DDX60: variants seen among roughly 807,000 people sequenced by gnomAD.
The protein encoded by DDX60 is DExD/H-box helicase 60.
A neutral mutation model predicts 212.8 loss-of-function variants in DDX60; 165 were observed. The observed-to-expected ratio is 0.78, with a 90% CI of 0.68 to 0.88. The LOEUF is 0.88. DDX60 is among the 40% of genes least tolerant of loss of function. The pLI is 0.00. For synonymous variants in DDX60, 703 were observed against 685.3 expected (o/e 1.03, Z -0.40); for missense variants, 1,905 against 2,003.9 (o/e 0.95, Z 0.94).
intron 5 of DDX60, among the ~76,000 whole-genome samples, chr4:168,304,620 G>A (rs1736797230): frequency 6.6e-6 from 1 of 152,086 alleles, no homozygotes; most frequent in African/African-American, 2.4e-5. Flanking sequence ...AGGATCACTT[G>A]AGCCCGAGAC....
intron 27 of DDX60, among the ~76,000 whole-genome samples, chr4:168,251,818 G>C (rs1484875850): frequency 6.6e-6 from 1 of 152,150 alleles, no homozygotes; most frequent in East Asian, 1.9e-4. Flanking sequence ...TACGCAAAAT[G>C]TATGTAAGTT....
chr4:168,291,219 C>T (rs1006505606), intron 8 of DDX60, among the ~76,000 whole-genome samples: 1 of 151,808 alleles, frequency 6.6e-6, no homozygotes, highest in African/African-American at 2.4e-5. Flanking sequence ...ATATAGAGTT[C>T]CAATATAAGA....
At chr4:168,235,007 C>T (rs182695650) in intron 33 of DDX60, among the ~76,000 whole-genome samples, 1 of 151,966 alleles carries the variant, frequency 6.6e-6, no homozygotes, top group Non-Finnish European at 1.5e-5. Context: ...GCTAAAGATC[C>T]ACCTTTTTCC....
At chr4:168,279,387 C>T (rs1382945456) in intron 14 of DDX60, among the ~76,000 whole-genome samples, 1 of 152,198 alleles carries the variant, frequency 6.6e-6, no homozygotes, top group Admixed American at 6.5e-5. Flanking sequence ...TGCTTCAGCG[C>T]CTTGACTATG....
chr4:168,313,446 G>C (rs1281155651), intron 1 of DDX60, among the ~76,000 whole-genome samples: 1 of 152,058 alleles, frequency 6.6e-6, no homozygotes, highest in African/African-American at 2.4e-5. Flanking sequence ...CTTGTGCCCA[G>C]GTCAGGAGAT....
chr4:168,228,596 A>T (rs1487948445), intron 33 of DDX60, among the ~76,000 whole-genome samples: 2 of 152,122 alleles, frequency 1.3e-5, no homozygotes, highest in African/African-American at 4.8e-5. Context: ...CCAAAATTTT[A>T]AAACATTTAA....
intron 20 of DDX60, 104 bp from the exon 21 acceptor site, chr4:168,268,087 C>T (rs961132598): frequency 3.0e-6 from 3 of 984,022 alleles, no homozygotes; most frequent in Non-Finnish European, 4.4e-6. Context: ...ATAAAGTGTA[C>T]TTAGGGGAAT....
intron 33 of DDX60, among the ~76,000 whole-genome samples, chr4:168,233,391 A>G (rs779326755): frequency 1.3e-5 from 2 of 152,110 alleles, no homozygotes; most frequent in Non-Finnish European, 2.9e-5. Flanking sequence ...TCTTTACACA[A>G]AAAAGATACT....
chr4:168,273,755 T>TTG (rs3068227), intron 17 of DDX60, among the ~76,000 whole-genome samples, 179 bp downstream of exon 17: 11 of 151,816 alleles, frequency 7.2e-5, no homozygotes, highest in South Asian at 2.1e-4. Context: ...ATGTACATGT[T>TTG]TGTGTGTGTG....
intron 26 of DDX60, 21 bp from the exon 27 acceptor site, chr4:168,252,677 T>G: frequency 2.6e-6 from 4 of 1,555,946 alleles, no homozygotes; most frequent in Non-Finnish European, 3.5e-6. Context: ...AAATAAAATT[T>G]TAATTAATGA....
At chr4:168,281,843 G>A (rs937583740) in intron 13 of DDX60, among the ~76,000 whole-genome samples, 16 of 152,238 alleles carry the variant, frequency 1.1e-4, no homozygotes, top group African/African-American at 3.9e-4. Context: ...AGTTTTCCCA[G>A]TGTTTAGTCT....
At position 168,308,215 on chromosome 4, in the gene DDX60, A is replaced by T; in HGVS notation, c.75-20T>A. On this transcript the variant is annotated intron_variant, in intron 3 of 37. Coordinates refer to ENST00000393743, the MANE Select transcript of DDX60 (RefSeq NM_017631.6). ...GAATATCTAAAATGAAAAACAGTTA[A>T]AACAAAAATCACATATGCATTAAAT... 1 of 1,436,996 alleles carries T rather than the reference A, an allele frequency of 7.0e-7. No homozygotes were observed. Among genetic ancestry groups the T allele is most frequent in the South Asian group, 1.2e-5 (1 of 80,042 alleles). 89.0% of individuals were successfully genotyped at this position (1,436,996 alleles called of 1,614,324 possible).
At position 168,283,205 on chromosome 4, in the gene DDX60, CTTAA is replaced by C. The variant is rs533412024; in HGVS notation, c.1722+237_1722+240del. Among the ~76,000 whole-genome samples the C allele has an allele frequency of 3.2e-3, 481 of 152,164 alleles. 2 individuals are homozygous for C. The highest frequency in any genetic ancestry group is 0.01 in the Middle Eastern group (3 of 294). On this transcript the variant is annotated intron_variant, in intron 13 of 37. Transcript: ENST00000393743. ...ATTTCTAAACTCAAAACTTTAGTCA[CTTAA>C]TTATTCTTCAAAGAGATACATATGT... is the stretch of plus-strand genomic sequence containing the variant.
intron 25 of DDX60, among the ~76,000 whole-genome samples, chr4:168,256,635 T>G (rs560743018): frequency 2.6e-5 from 4 of 152,216 alleles, no homozygotes; most frequent in Non-Finnish European, 4.4e-5. Context: ...ACATTTCCTA[T>G]GTTTATTTCA....
rs1736880541 is a variant in DDX60, at chr4:168,306,464, A to G, written c.521T>C (p.Leu174Pro). 2 of 1,614,184 alleles carry G rather than the reference A, an allele frequency of 1.2e-6. No homozygotes were observed. ...HSWARKVNVV[L>P]SSGQESDVLC... ...AACATCAGATTCTTGCCCTGAGGAA[A>G]GTACAACGTTGACCTTCCTTGCCCA... Residue 174 changes from leucine to proline, a missense_variant, in exon 5 of 38, where the codon CTT becomes CCT. Leu to Pro is a moderately conservative substitution (Grantham distance 98). Coordinates refer to ENST00000393743, the MANE Select transcript of DDX60 (RefSeq NM_017631.6).
rs966437011 is a variant in DDX60 at position 168,286,886 on chromosome 4, G to A, written c.1339+162C>T. ...GTAAATCTTCATAATTATAGTCACA[G>A]CATACCACTCCAAGGATATAAGAAT... On this transcript the variant is annotated intron_variant, in intron 10 of 37. Transcript: ENST00000393743. Among the ~76,000 whole-genome samples, 7 of 151,946 alleles carry A rather than the reference G, an allele frequency of 4.6e-5. No homozygotes were observed. In the South Asian group the frequency reaches 1.0e-3, roughly 23 times the overall value.
In DDX60 at chr4:168,293,943, T is replaced by C; in HGVS notation, c.726A>G (p.Ala242=). The C allele has an allele frequency of 6.3e-7, 1 of 1,596,494 alleles. No homozygotes were observed. The highest frequency in any genetic ancestry group is 8.5e-7 in the Non-Finnish European group (1 of 1,175,716). The change falls in exon 7 of 38, where the codon GCA becomes GCG. Residue 242 remains alanine, a splice_region_variant and synonymous_variant. Coordinates refer to ENST00000393743, the MANE Select transcript of DDX60 (RefSeq NM_017631.6). ...SLKWNNITEE[A]HKTVSLLTQV... is the part of the protein sequence containing the mutation. ...GTGTAAGCAGAGATACAGTCTTGTG[T>C]GCCTGTCAAAGAAAAAAATTGTAAT...
intron 26 of DDX60, among the ~76,000 whole-genome samples, chr4:168,253,742 C>T (rs990153246): frequency 2.0e-5 from 3 of 152,150 alleles, no homozygotes; most frequent in African/African-American, 4.8e-5. Context: ...CAATAAATCC[C>T]TTCCACAGAT....
intron 1 of DDX60, 86 bp downstream of exon 1, chr4:168,318,536 C>T (rs1482122293): frequency 6.6e-6 from 1 of 152,416 alleles, no homozygotes; most frequent in Non-Finnish European, 1.5e-5. Flanking sequence ...GGCCACCTCC[C>T]TGTCCGGTCC....
Sources: allele counts gnomAD v4.1 joint callset (sites outside exome capture counted in the v4.1 genomes callset), GRCh38; gene constraint gnomAD v4.1.1; transcripts MANE v1.5; gene names NCBI Gene and HGNC (gene_info 2026-07-23, HGNC 2026-07-21).